GRIN2B: variants seen among roughly 807,000 people sequenced by gnomAD.
The protein encoded by GRIN2B is glutamate receptor ionotropic, NMDA 2B.
A neutral mutation model predicts 114.5 loss-of-function variants in GRIN2B; 5 were observed. The ratio of observed to expected loss-of-function variants is 0.04; its 90% CI spans 0.02 to 0.09. GRIN2B has a LOEUF of 0.09. Ranked by LOEUF, GRIN2B falls within the 10% of genes least tolerant of loss-of-function variation. The pLI is 1.00. For missense variants in GRIN2B, 1,108 were observed against 1,943.5 expected (o/e 0.57, Z 8.08); for synonymous variants, 787 against 745.1 (o/e 1.06, Z -0.92).
intron 3 of GRIN2B, among the ~76,000 whole-genome samples, chr12:13,795,978 T>A (rs1482133446): frequency 6.6e-6 from 1 of 151,508 alleles, no homozygotes; most frequent in Non-Finnish European, 1.5e-5. Context: ...AAAAACCTAA[T>A]GTAAATGACG....
chr12:13,692,983 G>C (rs1199058903), intron 4 of GRIN2B, among the ~76,000 whole-genome samples: 1 of 151,740 alleles, frequency 6.6e-6, no homozygotes, highest in Non-Finnish European at 1.5e-5. Context: ...GGTCAGGCTG[G>C]TCCCAAACTC....
In GRIN2B at chr12:13,544,020, G is replaced by A. The variant is rs1261429017; in HGVS notation, c.*18763C>T. 1 of 152,068 alleles carries A rather than the reference G, an allele frequency of 6.6e-6. No homozygotes were observed. Among genetic ancestry groups the A allele is most frequent in the African/African-American group, 2.4e-5 (1 of 41,374 alleles). The allele number at this position is 152,068 out of a possible 1,614,324, so 9.4% of individuals were successfully genotyped here. On this transcript the variant is annotated 3_prime_UTR_variant, in exon 14 of 14. Transcript: ENST00000609686. ...TCAATTTTTCCTTTCTCCTGGATTA[G>A]TCTTGTCAACATAAAATGGGCTGTT...
chr12:13,892,406 A>T (rs1030267108), intron 2 of GRIN2B, among the ~76,000 whole-genome samples: 3 of 152,230 alleles, frequency 2.0e-5, no homozygotes, highest in Non-Finnish European at 4.4e-5. Context: ...TTTTAAAAAA[A>T]CTATTTCAAA....
At chr12:13,934,196 C>A (rs572139954) in intron 2 of GRIN2B, among the ~76,000 whole-genome samples, 1 of 152,210 alleles carries the variant, frequency 6.6e-6, no homozygotes, top group East Asian at 1.9e-4. Flanking sequence ...TACTCCTTGA[C>A]AACCCATGCC....
Position 13,621,607 on chromosome 12 carries a change from GTTTTTGTTTTTTTTT to G in GRIN2B, c.1126-4965_1126-4951del, listed in dbSNP as rs1026678487. Among the ~76,000 whole-genome samples, 11 of 27,702 alleles carry G rather than the reference GTTTTTGTTTTTTTTT, an allele frequency of 4.0e-4. 1 individual carries two copies. The highest frequency in any genetic ancestry group is 8.9e-4 in the Admixed American group (2 of 2,244). The allele number at this position is 27,702 out of a possible 152,430, so 18.2% of individuals were successfully genotyped here. A position where few individuals can be genotyped will look rare whatever the true frequency, so the allele number is the denominator to read the frequency against. ...TTCAAGAGAAAAAAAAAATTGCCTAGTTTTTGTTTTTTTTTTTTTTTTTTTTTTTTTTTCAGAAAA... is the reference window on the plus strand; with the variant it reads ...TTCAAGAGAAAAAAAAAATTGCCTAGTTTTTTTTTTTTTTTTTTCAGAAAA... On this transcript the variant is annotated intron_variant, in intron 5 of 13. Transcript: ENST00000609686.
chr12:13,720,480 C>T (rs1950498095), intron 4 of GRIN2B, among the ~76,000 whole-genome samples: 1 of 152,096 alleles, frequency 6.6e-6, no homozygotes, highest in Non-Finnish European at 1.5e-5. Flanking sequence ...TGTTCACCAA[C>T]AGTGCATTAA....
In GRIN2B at chr12:13,555,181, G is replaced by A. The variant is rs554987832; in HGVS notation, c.*7602C>T. 2.6e-4 allele frequency: 39 copies of A among 152,282 alleles called. No homozygotes were observed. The highest frequency in any genetic ancestry group is 8.2e-4 in the African/African-American group (34 of 41,546). 9.4% of individuals were successfully genotyped at this position (152,282 alleles called of 1,614,324 possible). ...AAGAGCAGGAACCAATGAGGTTAGAGGACCAGAGAACTAAGATTAAAACCA... is the reference window on the plus strand; with the variant it reads ...AAGAGCAGGAACCAATGAGGTTAGAAGACCAGAGAACTAAGATTAAAACCA... On this transcript the variant is annotated 3_prime_UTR_variant, in exon 14 of 14. Transcript: ENST00000609686.
chr12:13,662,001 A>G (rs1166080606), intron 5 of GRIN2B, among the ~76,000 whole-genome samples: 2 of 152,192 alleles, frequency 1.3e-5, no homozygotes, highest in African/African-American at 4.8e-5. Context: ...TCAACTGGAG[A>G]CAAGGAAGTG....
At chr12:13,902,815 A>G (rs1393863546) in intron 2 of GRIN2B, among the ~76,000 whole-genome samples, 1 of 152,162 alleles carries the variant, frequency 6.6e-6, no homozygotes, top group Non-Finnish European at 1.5e-5. Flanking sequence ...CCTCTCAAAT[A>G]ATAATAAAAA....
rs1427425811 is a variant in GRIN2B, at chr12:13,538,883, A to C, written c.*23900T>G. The C allele has an allele frequency of 6.6e-6, 1 of 151,900 alleles. No homozygotes were observed. Among genetic ancestry groups the C allele is most frequent in the Non-Finnish European group, 1.5e-5 (1 of 67,944 alleles). 9.4% of individuals were successfully genotyped at this position (151,900 alleles called of 1,614,324 possible). On this transcript the variant is annotated 3_prime_UTR_variant, in exon 14 of 14. Coordinates refer to ENST00000609686, the MANE Select transcript of GRIN2B (RefSeq NM_000834.5). ...ACAGAAAAATCAGAGCCAAGATTTC[A>C]AGTCTTGTCTTCCCCCTTTTTTTTT...
At chr12:13,630,682 T>G (rs1486100022) in intron 5 of GRIN2B, among the ~76,000 whole-genome samples, 2 of 152,162 alleles carry the variant, frequency 1.3e-5, no homozygotes, top group African/African-American at 2.4e-5. Context: ...ACTCATCAGA[T>G]AAGTGACCCC....
Position 13,829,089 on chromosome 12 carries a change from A to T in GRIN2B, c.411+36709T>A, listed in dbSNP as rs193047725. 4.8e-3 allele frequency among the ~76,000 whole-genome samples: 735 copies of T among 152,286 alleles called. 3 individuals are homozygous for T. Among genetic ancestry groups the T allele is most frequent in the South Asian group, 0.012 (59 of 4,826 alleles). ...ATTCTACCATAGAAGAGGCCATCAC[A>T]TAGGGGGCATCCTCTTGTCATTTAA... is the stretch of plus-strand genomic sequence containing the variant. On this transcript the variant is annotated intron_variant, in intron 3 of 13. Coordinates refer to ENST00000609686, the MANE Select transcript of GRIN2B (RefSeq NM_000834.5).
intron 2 of GRIN2B, among the ~76,000 whole-genome samples, chr12:13,904,593 C>A (rs1866508346): frequency 1.3e-5 from 2 of 152,118 alleles, no homozygotes; most frequent in Non-Finnish European, 2.9e-5. Context: ...GCATCTCAGA[C>A]ATTTCATCTT....
intron 10 of GRIN2B, among the ~76,000 whole-genome samples, chr12:13,605,397 G>A (rs1487115382): frequency 2.0e-5 from 3 of 152,012 alleles, no homozygotes; most frequent in Non-Finnish European, 4.4e-5. Flanking sequence ...CATAGATAGA[G>A]GTATGGTTGA....
chr12:13,723,435 C>T (rs1393362217), intron 4 of GRIN2B, among the ~76,000 whole-genome samples: 1 of 151,864 alleles, frequency 6.6e-6, no homozygotes, highest in African/African-American at 2.4e-5. Context: ...CTCTCCTTCC[C>T]TGTCTCACTG....
intron 3 of GRIN2B, among the ~76,000 whole-genome samples, chr12:13,860,585 A>G (rs555956577): frequency 6.6e-6 from 1 of 152,236 alleles, no homozygotes; most frequent in South Asian, 2.1e-4. Flanking sequence ...TCCGCCTCCA[A>G]AGTGCTGGGA....
intron 3 of GRIN2B, among the ~76,000 whole-genome samples, chr12:13,832,893 T>A (rs916077024): frequency 6.6e-6 from 1 of 152,170 alleles, no homozygotes; most frequent in African/African-American, 2.4e-5. Context: ...AATTTATATG[T>A]TTACCATGAA....
chr12:13,580,524 A>T (rs1948833977), intron 10 of GRIN2B, among the ~76,000 whole-genome samples: 1 of 152,158 alleles, frequency 6.6e-6, no homozygotes, highest in Non-Finnish European at 1.5e-5. Flanking sequence ...CCCAAATGCC[A>T]CTCAGCCCTT....
intron 4 of GRIN2B, among the ~76,000 whole-genome samples, chr12:13,747,958 C>T (rs1351093052): frequency 2.0e-5 from 3 of 152,126 alleles, no homozygotes; most frequent in African/African-American, 2.4e-5. Context: ...ACATTGGTTC[C>T]AAAGATGGGG....
Sources: allele counts gnomAD v4.1 joint callset (sites outside exome capture counted in the v4.1 genomes callset), GRCh38; gene constraint gnomAD v4.1.1; transcripts MANE v1.5; gene names NCBI Gene and HGNC (gene_info 2026-07-23, HGNC 2026-07-21).